The following ERI3 variants were observed in gnomAD, a reference collection of about 807,000 sequenced individuals.
ERI3 encodes ERI1 exoribonuclease 3.
A neutral mutation model predicts 44.4 loss-of-function variants in ERI3; 18 were observed. The ratio of observed to expected loss-of-function variants is 0.41; its 90% CI spans 0.28 to 0.60. ERI3 has a LOEUF of 0.60. Ranked by LOEUF, ERI3 falls within the 20% of genes least tolerant of loss-of-function variation. The probability of loss-of-function intolerance (pLI) is 0.36; values close to 1 mark genes in which losing one functional copy is unlikely to be tolerated. For synonymous variants in ERI3, 183 were observed against 164.8 expected (o/e 1.11, Z -0.84); for missense variants, 294 against 435.5 (o/e 0.68, Z 2.89).
intron 8 of ERI3, among the ~76,000 whole-genome samples, chr1:44,237,534 T>C (rs1224814239): frequency 1.3e-5 from 2 of 152,224 alleles, no homozygotes; most frequent in African/African-American, 4.8e-5. Context: ...ACTTACCTAG[T>C]ACCACTCAAC....
At chr1:44,295,302 A>G (rs1645588055) in intron 6 of ERI3, among the ~76,000 whole-genome samples, 1 of 152,200 alleles carries the variant, frequency 6.6e-6, no homozygotes, top group Non-Finnish European at 1.5e-5. Context: ...TAGTACTAAA[A>G]AAAATACTAC....
rs545837832 is a variant in ERI3 at position 44,228,356 on chromosome 1, C to T, written c.932-6716G>A. Among the ~76,000 whole-genome samples the T allele has an allele frequency of 6.6e-6, 1 of 152,340 alleles. No homozygotes were observed. The highest frequency in any genetic ancestry group is 6.5e-5 in the Admixed American group (1 of 15,302). On this transcript the variant is annotated intron_variant, in intron 8 of 8. Coordinates refer to ENST00000372257, the MANE Select transcript of ERI3 (RefSeq NM_024066.3). This position sits in a 1 kb window ranked among gnomAD's most constrained non-coding sequence, Gnocchi z 4.3. ...ATCTTGATTAGCAGGCGATTTCTCT[C>T]ACCGTAATAAGCGCGCTCCAAATAA...
At chr1:44,337,903 C>T (rs1646568120) in intron 3 of ERI3, among the ~76,000 whole-genome samples, 1 of 152,168 alleles carries the variant, frequency 6.6e-6, no homozygotes, top group Non-Finnish European at 1.5e-5. Context: ...AGCAACATGT[C>T]TATGCATCAC....
chr1:44,342,603 G>A (rs2154331582), intron 2 of ERI3, among the ~76,000 whole-genome samples: 1 of 150,142 alleles, frequency 6.7e-6, no homozygotes, highest in East Asian at 2.0e-4. Flanking sequence ...GGAAGAGCCA[G>A]GGAGCAGTAA....
At chr1:44,277,994 A>G (rs1261323881) in intron 7 of ERI3, among the ~76,000 whole-genome samples, 1 of 152,252 alleles carries the variant, frequency 6.6e-6, no homozygotes, top group Non-Finnish European at 1.5e-5. Context: ...AGCCGCACTA[A>G]AAAGTAAAAT....
intron 6 of ERI3, 69 bp from the exon 7 acceptor site, chr1:44,284,976 G>C (rs759857287): frequency 2.8e-4 from 368 of 1,328,700 alleles, no homozygotes; most frequent in Non-Finnish European, 3.8e-4. Flanking sequence ...CTTAAGATGG[G>C]AAGTCCAACA....
At chr1:44,344,966 GGT>G (rs1646755592) in intron 2 of ERI3, among the ~76,000 whole-genome samples, 1 of 152,176 alleles carries the variant, frequency 6.6e-6, no homozygotes, top group Non-Finnish European at 1.5e-5. Flanking sequence ...CCTGGAGGAT[GGT>G]CTCTGTGCAG....
intron 7 of ERI3, among the ~76,000 whole-genome samples, chr1:44,265,817 G>T (rs1264697623): frequency 1.3e-5 from 2 of 152,170 alleles, no homozygotes; most frequent in Non-Finnish European, 2.9e-5. Context: ...AGAATTGCCA[G>T]AATAGGCAAA....
intron 7 of ERI3, among the ~76,000 whole-genome samples, chr1:44,262,001 TC>T (rs1644904250): frequency 6.6e-6 from 1 of 152,108 alleles, no homozygotes; most frequent in Non-Finnish European, 1.5e-5. Context: ...TTGGGGTCGT[TC>T]CCGAAGGCTC....
At chr1:44,289,727 G>A (rs1349570647) in intron 6 of ERI3, among the ~76,000 whole-genome samples, 2 of 152,240 alleles carry the variant, frequency 1.3e-5, no homozygotes, top group African/African-American at 2.4e-5. Context: ...TGGCTAGCCC[G>A]GCGCCAGCCA....
At chr1:44,264,849 G>A (rs947957206) in intron 7 of ERI3, among the ~76,000 whole-genome samples, 1 of 152,202 alleles carries the variant, frequency 6.6e-6, no homozygotes, top group Non-Finnish European at 1.5e-5. Context: ...TTCTAATTAT[G>A]GGCTCAAACT....
chr1:44,316,865 T>A (rs1646098554), intron 4 of ERI3, among the ~76,000 whole-genome samples: 1 of 152,118 alleles, frequency 6.6e-6, no homozygotes, highest in Admixed American at 6.5e-5. Context: ...TGGAGCAGAT[T>A]CTAGAGGTCA....
intron 3 of ERI3, among the ~76,000 whole-genome samples, chr1:44,333,744 T>G (rs1234975730): frequency 6.6e-6 from 1 of 152,176 alleles, no homozygotes; most frequent in African/African-American, 2.4e-5. Flanking sequence ...CTAGTAATGA[T>G]GTGGCAACTC....
At chr1:44,289,753 C>G (rs1645466057) in intron 6 of ERI3, among the ~76,000 whole-genome samples, 1 of 152,244 alleles carries the variant, frequency 6.6e-6, no homozygotes, top group Non-Finnish European at 1.5e-5. Flanking sequence ...GGGGATAGCT[C>G]ATTAGGGGAA....
intron 3 of ERI3, chr1:44,322,942 C>A: frequency 2.1e-6 from 3 of 1,431,922 alleles, no homozygotes; most frequent in Non-Finnish European, 1.8e-6. Flanking sequence ...AATCCCAACA[C>A]AAAGATTTGT....
chr1:44,342,743 C>CTCAAGCAA (rs1646679981), intron 2 of ERI3, among the ~76,000 whole-genome samples: 2 of 139,282 alleles, frequency 1.4e-5, no homozygotes, highest in South Asian at 4.6e-4. Flanking sequence ...AACTCCCACG[C>CTCAAGCAA]TCAAGCAATC....
In ERI3 at chr1:44,335,482, G is replaced by A. The variant is rs1204387225; in HGVS notation, c.489+3563C>T. ...GACCTTACTCATAAAGAATCAGGCC[G>A]GGGGCAGTGGCTCATGCCTGTAATC... is the stretch of plus-strand genomic sequence containing the variant. On this transcript the variant is annotated intron_variant, in intron 3 of 8. Coordinates refer to ENST00000372257, the MANE Select transcript of ERI3 (RefSeq NM_024066.3). 3.9e-5 allele frequency among the ~76,000 whole-genome samples: 6 copies of A among 152,178 alleles called. No homozygotes were observed. In the South Asian group the frequency reaches 6.2e-4, roughly 16 times the overall value.
intron 2 of ERI3, 98 bp from the exon 3 acceptor site, chr1:44,339,420 T>A (rs574914866): frequency 1.3e-5 from 17 of 1,297,442 alleles, no homozygotes; most frequent in Middle Eastern, 2.8e-4. Context: ...ACTGTGGCCC[T>A]GTTCCATCTA....
At chr1:44,342,298 G>A (rs1646670476) in intron 2 of ERI3, among the ~76,000 whole-genome samples, 4 of 152,100 alleles carry the variant, frequency 2.6e-5, no homozygotes. Context: ...CACACGCAGG[G>A]TAAAAGAGGC....
Sources: gnomAD v4.1 joint callset for allele counts (sites outside exome capture counted in the v4.1 genomes callset) on GRCh38, gnomAD v4.1.1 for gene constraint, Gnocchi (gnomAD v3.1) non-coding constraint, MANE v1.5 for transcripts, NCBI Gene and HGNC (gene_info 2026-07-23, HGNC 2026-07-21) for gene names.